The following ZNF454 variants were observed in gnomAD, a reference collection of about 807,000 sequenced individuals.
ZNF454 encodes zinc finger protein 454.
ZNF454 carries 30 observed loss-of-function variants against 48.2 expected under a neutral mutation model. The ratio of observed to expected loss-of-function variants is 0.62; its 90% CI spans 0.47 to 0.84. ZNF454 has a LOEUF of 0.84. ZNF454 is among the 40% of genes least tolerant of loss of function. The pLI is 0.00. For missense variants in ZNF454, 510 were observed against 623.1 expected, an observed-to-expected ratio of 0.82 and a Z score of 1.93; for synonymous variants, 204 against 211.4, an observed-to-expected ratio of 0.97 and a Z score of 0.30.
chr5:178,963,185 G>A (rs1441761998), intron 4 of ZNF454, among the ~76,000 whole-genome samples: 2 of 151,798 alleles, frequency 1.3e-5, no homozygotes, highest in African/African-American at 4.8e-5. Flanking sequence ...CTGCCTGGGT[G>A]ACATCTGATG....
chr5:178,986,411 T>G, the ZNF454 span: 1 of 1,613,740 alleles, frequency 6.2e-7, no homozygotes, highest in Middle Eastern at 1.7e-4. Flanking sequence ...GCCCGGACGA[T>G]GGGCGTGTTG....
At chr5:178,978,409 T>C in the ZNF454 span, 1 of 152,216 alleles carries the variant, frequency 6.6e-6, no homozygotes, top group Non-Finnish European at 1.5e-5. Flanking sequence ...GCAATGAATG[T>C]AATAAATTAA....
intron 4 of ZNF454, among the ~76,000 whole-genome samples, chr5:178,949,136 G>A (rs1027465274): frequency 3.9e-5 from 6 of 151,964 alleles, no homozygotes; most frequent in East Asian, 1.9e-4. Flanking sequence ...TGCAACCTCC[G>A]TTCTCCCGAG....
chr5:178,956,677 TTA>T (rs1561702200), intron 4 of ZNF454, among the ~76,000 whole-genome samples: 10 of 53,002 alleles, frequency 1.9e-4, no homozygotes, highest in Admixed American at 3.3e-4. Flanking sequence ...TTTATTTAAT[TTA>T]TTTATTTATT....
rs536877646 is a variant in ZNF454 at position 178,966,121 on chromosome 5, T to C, written c.*148T>C. The stretch of plus-strand genomic sequence containing the variant: ...GGTCAGGTTTCACAGTGTCATGGGG[T>C]TTGGGCATTTAAGAATGGCAAACAC... On this transcript the variant is annotated 3_prime_UTR_variant, in exon 5 of 5. Transcript: ENST00000519564. 2 of 729,550 alleles carry C rather than the reference T, an allele frequency of 2.7e-6. No individual in the cohort carries two copies. The highest frequency in any genetic ancestry group is 5.3e-5 in the East Asian group (2 of 37,850). 45.2% of individuals were successfully genotyped at this position (729,550 alleles called of 1,614,324 possible). A position where few individuals can be genotyped will look rare whatever the true frequency, so the allele number is the denominator to read the frequency against.
At chr5:178,972,994 TA>T in the ZNF454 span, among the ~76,000 whole-genome samples, 203 of 135,478 alleles carry the variant, frequency 1.5e-3, no homozygotes, top group East Asian at 2.0e-3. Flanking sequence ...AGTAAATAGG[TA>T]AAAAAAAAAA....
chr5:178,961,488 T>A, intron 4 of ZNF454, among the ~76,000 whole-genome samples: 1 of 151,728 alleles, frequency 6.6e-6, no homozygotes, highest in South Asian at 2.1e-4. Flanking sequence ...TTACTTTTAA[T>A]AAAATTAAAA....
At chr5:178,987,916 TG>T in the ZNF454 span, among the ~76,000 whole-genome samples, 2 of 1,538 alleles carry the variant, frequency 1.3e-3, no homozygotes, top group African/African-American at 1.3e-3. Context: ...CCCGTCGCCA[TG>T]CCCAGCTAAT....
Position 178,946,071 on chromosome 5 carries a change from G to A in ZNF454, c.34-288G>A, listed in dbSNP as rs140522494. 6.8e-3 allele frequency among the ~76,000 whole-genome samples: 1,028 copies of A among 152,194 alleles called. 12 individuals carry two copies. Among genetic ancestry groups the A allele is most frequent in the South Asian group, 0.033 (158 of 4,830 alleles). The stretch of plus-strand genomic sequence containing the variant: ...AGGCAGGGCTAGGCGGTTTGAGGGA[G>A]ATGGAGAAAATGTTCTGGGCTAAAT... On this transcript the variant is annotated intron_variant, in intron 2 of 4. Coordinates refer to ENST00000519564, the MANE Select transcript of ZNF454 (RefSeq NM_001178089.3). This position sits in a 1 kb window ranked among gnomAD's most constrained non-coding sequence, Gnocchi z 4.5.
In ZNF454 at chr5:178,942,706, C is replaced by A. The variant is rs569224561; in HGVS notation, c.-86C>A. Reference sequence around the variant, plus strand: ...ATAGCAGGTGTGTGGACCCTTCTAGCCTGAGGAGTCCTGCAGGTGTGAAGC... The same window carrying A: ...ATAGCAGGTGTGTGGACCCTTCTAGACTGAGGAGTCCTGCAGGTGTGAAGC... On this transcript the variant is annotated 5_prime_UTR_variant, in exon 2 of 5. Transcript: ENST00000519564. 1 of 1,500,444 alleles carries A rather than the reference C, an allele frequency of 6.7e-7. No homozygotes were observed. Among genetic ancestry groups the A allele is most frequent in the Non-Finnish European group, 9.3e-7 (1 of 1,078,312 alleles). The allele number at this position is 1,500,444 out of a possible 1,614,324, so 92.9% of individuals were successfully genotyped here.
the ZNF454 span, chr5:178,983,024 G>C: frequency 6.2e-7 from 1 of 1,614,054 alleles, no homozygotes; most frequent in Non-Finnish European, 8.5e-7. Flanking sequence ...TCTCGGGCAC[G>C]CCACGGGCCT....
At chr5:178,986,584 G>A in the ZNF454 span, 2 of 1,606,578 alleles carry the variant, frequency 1.2e-6, no homozygotes, top group Non-Finnish European at 1.7e-6. Flanking sequence ...CCCAGGACAG[G>A]CCTCGCATGT....
the ZNF454 span, among the ~76,000 whole-genome samples, chr5:178,974,814 T>C: frequency 6.6e-6 from 1 of 152,200 alleles, no homozygotes; most frequent in Non-Finnish European, 1.5e-5. Flanking sequence ...AGTCTTTGAC[T>C]TAAGTAGCTT....
chr5:178,964,696 GCAGAGATTCCTGAAGA>G lies in ZNF454; in HGVS notation c.293_308del (p.Ala98GlufsTer8). On this transcript the variant is annotated frameshift_variant, in exon 5 of 5. Transcript: ENST00000519564. LOFTEE classifies it high-confidence loss of function. The stretch of plus-strand genomic sequence containing the variant: ...TGCCAGTAAGAAATCTACTGTCAAG[GCAGAGATTCCTGAAGA>G]AGAATTGGATCAATGGACAATAAAG... The G allele has an allele frequency of 6.2e-7, 1 of 1,614,158 alleles. No individual in the cohort carries two copies. Among genetic ancestry groups the G allele is most frequent in the Non-Finnish European group, 8.5e-7 (1 of 1,180,014 alleles).
chr5:178,959,847 C>T (rs559539089), intron 4 of ZNF454, among the ~76,000 whole-genome samples: 2 of 151,958 alleles, frequency 1.3e-5, no homozygotes, highest in African/African-American at 2.4e-5. Context: ...CCTCGTGATC[C>T]ACCCGCCTCG....
intron 4 of ZNF454, among the ~76,000 whole-genome samples, chr5:178,954,662 G>A (rs1375604624): frequency 2.0e-5 from 3 of 152,200 alleles, no homozygotes; most frequent in Non-Finnish European, 4.4e-5. Flanking sequence ...ACCAAATCAA[G>A]GAAGACAACA....
chr5:178,978,416 T>C, the ZNF454 span: 1 of 152,102 alleles, frequency 6.6e-6, no homozygotes, highest in Non-Finnish European at 1.5e-5. Flanking sequence ...ATGTAATAAA[T>C]TAAAGGGAAA....
chr5:178,954,700 T>TA (rs1759682148), intron 4 of ZNF454, among the ~76,000 whole-genome samples: 2 of 152,372 alleles, frequency 1.3e-5, no homozygotes, highest in Admixed American at 1.3e-4. Context: ...AGTTCTGTCT[T>TA]ACTCCTTTGC....
At chr5:178,960,200 C>A (rs1002273131) in intron 4 of ZNF454, among the ~76,000 whole-genome samples, 1 of 151,398 alleles carries the variant, frequency 6.6e-6, no homozygotes, top group African/African-American at 2.4e-5. Flanking sequence ...GTCCTCCTGC[C>A]TTGGCCTCCC....
Sources: gnomAD v4.1 joint callset for allele counts (sites outside exome capture counted in the v4.1 genomes callset) on GRCh38, gnomAD v4.1.1 for gene constraint, Gnocchi (gnomAD v3.1) non-coding constraint, MANE v1.5 for transcripts, NCBI Gene and HGNC (gene_info 2026-07-23, HGNC 2026-07-21) for gene names.